KPNA7: variants seen among roughly 807,000 people sequenced by gnomAD.
The protein encoded by KPNA7 is importin subunit alpha-8.
Under a neutral mutation model 53.7 loss-of-function variants are expected in KPNA7, and 54 were observed. That is an observed-to-expected ratio of 1.01 (90% CI 0.81 to 1.26). The LOEUF (loss-of-function observed/expected upper bound fraction) is 1.26, where lower values mean the gene tolerates loss of function less well. Among genes scored for constraint, KPNA7 ranks in the 50% most tolerant of loss-of-function variants. The probability of loss-of-function intolerance (pLI) is 0.00; values close to 1 mark genes in which losing one functional copy is unlikely to be tolerated. For missense variants in KPNA7, 640 were observed against 644.5 expected (o/e 0.99, Z 0.07); for synonymous variants, 276 against 259.3 (o/e 1.06, Z -0.62).
chr7:99,197,655 A>T (rs534539146), intron 3 of KPNA7, among the ~76,000 whole-genome samples: 7 of 152,358 alleles, frequency 4.6e-5, no homozygotes, highest in Admixed American at 2.0e-4. Context: ...CCAGATACAA[A>T]TTCTGGAATT....
chr7:99,216,221 G>A (rs1791215284), intron 1 of KPNA7, among the ~76,000 whole-genome samples: 1 of 152,110 alleles, frequency 6.6e-6, no homozygotes. Flanking sequence ...AAAGACAGGT[G>A]TCTTGCTACA....
intron 6 of KPNA7, among the ~76,000 whole-genome samples, chr7:99,192,462 G>GA (rs1409746980): frequency 6.6e-6 from 1 of 152,190 alleles, no homozygotes; most frequent in Non-Finnish European, 1.5e-5. Context: ...ACCCAGGCTG[G>GA]AGTGCAGTGG....
At chr7:99,195,399 T>G in intron 4 of KPNA7, 61 bp from the exon 5 acceptor site, 1 of 1,477,122 alleles carries the variant, frequency 6.8e-7, no homozygotes, top group Non-Finnish European at 9.2e-7. Flanking sequence ...ATTAAGGACC[T>G]CCTTTTAGGC....
intron 2 of KPNA7, among the ~76,000 whole-genome samples, chr7:99,207,033 C>A (rs12673754): frequency 6.6e-6 from 1 of 151,458 alleles, no homozygotes; most frequent in Non-Finnish European, 1.5e-5. Context: ...ACCTCCCTGC[C>A]CCCCGCTATT....
upstream of KPNA7, among the ~76,000 whole-genome samples, chr7:99,210,421 A>G (rs1791035819): frequency 6.6e-6 from 1 of 152,168 alleles, no homozygotes; most frequent in African/African-American, 2.4e-5. Context: ...TGTCTTAGGC[A>G]GGGATTTCTT....
chr7:99,180,943 GTGTC>G (rs1266674861), intron 9 of KPNA7, among the ~76,000 whole-genome samples: 1 of 20,330 alleles, frequency 4.9e-5, no homozygotes, highest in Admixed American at 6.2e-4. Context: ...CTCCCCGTCT[GTGTC>G]TCTCTCTCTC....
At chr7:99,175,861 C>T (rs1332277369) in intron 10 of KPNA7, among the ~76,000 whole-genome samples, 1 of 152,066 alleles carries the variant, frequency 6.6e-6, no homozygotes, top group Non-Finnish European at 1.5e-5. Flanking sequence ...CAGCTAACCA[C>T]ACCATCCACC....
intron 1 of KPNA7, among the ~76,000 whole-genome samples, chr7:99,218,108 T>C (rs561334746): frequency 2.2e-4 from 33 of 152,096 alleles, no homozygotes; most frequent in Non-Finnish European, 3.7e-4. Context: ...CAGGCAATCC[T>C]CCTGCCTCAG....
In KPNA7 at chr7:99,215,921, G is replaced by A. The variant is rs574077987; in HGVS notation, c.-23-8432C>T. Among the ~76,000 whole-genome samples the A allele has an allele frequency of 6.6e-5, 10 of 151,332 alleles. No individual in the cohort carries two copies. In the East Asian group the frequency reaches 9.7e-4, roughly 15 times the overall value. Reference sequence around the variant, plus strand: ...CCCAGTAGGTTGAGGCTGCAGCAGCGAGTTATGATTGCACCACTACGCTCC... The same window carrying A: ...CCCAGTAGGTTGAGGCTGCAGCAGCAAGTTATGATTGCACCACTACGCTCC... On this transcript the variant is annotated intron_variant, in intron 1 of 10. Transcript: ENST00000681060.
intron 5 of KPNA7, 132 bp downstream of exon 5, chr7:99,194,938 T>C: frequency 8.9e-7 from 1 of 1,125,478 alleles, no homozygotes; most frequent in Non-Finnish European, 1.2e-6. Flanking sequence ...CATTGTACCC[T>C]TGCCAGCACT....
Position 99,181,863 on chromosome 7 carries a change from A to C in KPNA7, c.1317+20T>G, listed in dbSNP as rs1799285159. On this transcript the variant is annotated intron_variant, in intron 9 of 10. Coordinates refer to ENST00000327442, the MANE Select transcript of KPNA7 (RefSeq NM_001145715.3). The stretch of plus-strand genomic sequence containing the variant: ...GTTGGAGACAGCTATTTACAAACCA[A>C]CCTGTTCAGAACGGCTCACCTGGAG... The C allele has an allele frequency of 1.3e-6, 2 of 1,504,028 alleles. No individual in the cohort carries two copies. The highest frequency in any genetic ancestry group is 2.2e-5 in the Admixed American group (1 of 46,298). The allele number at this position is 1,504,028 out of a possible 1,614,324, so 93.2% of individuals were successfully genotyped here.
intron 10 of KPNA7, 102 bp from the exon 11 acceptor site, chr7:99,173,896 C>A: frequency 1.5e-6 from 1 of 676,774 alleles, no homozygotes; most frequent in South Asian, 1.9e-5. Flanking sequence ...CCCTCTTAAC[C>A]ATGTTTAAGC....
At chr7:99,198,725 G>A (rs1032185386) in intron 3 of KPNA7, among the ~76,000 whole-genome samples, 8 of 152,098 alleles carry the variant, frequency 5.3e-5, no homozygotes, top group African/African-American at 1.9e-4. Context: ...AATAAGACAA[G>A]GATATTGCTC....
chr7:99,212,765 G>T (rs73157575), upstream of KPNA7, among the ~76,000 whole-genome samples: 1 of 151,858 alleles, frequency 6.6e-6, no homozygotes, highest in Non-Finnish European at 1.5e-5. Context: ...ATCCGGCATC[G>T]TGATGGGCAC....
At chr7:99,149,005 C>G in the KPNA7 span, among the ~76,000 whole-genome samples, 1 of 150,620 alleles carries the variant, frequency 6.6e-6, no homozygotes, top group Non-Finnish European at 1.5e-5. Context: ...AAGCGATTCT[C>G]CTGCCTCAGC....
chr7:99,204,193 A>G (rs1790684434), intron 2 of KPNA7, among the ~76,000 whole-genome samples: 2 of 151,992 alleles, frequency 1.3e-5, no homozygotes, highest in Non-Finnish European at 2.9e-5. Flanking sequence ...AGCCTGGACA[A>G]CATAGCAAGA....
downstream of KPNA7, among the ~76,000 whole-genome samples, chr7:99,171,698 C>T (rs1798774753): frequency 6.6e-6 from 1 of 152,102 alleles, no homozygotes; most frequent in Non-Finnish European, 1.5e-5. Flanking sequence ...CTGCCCTGAG[C>T]TGAGCTGTGA....
In KPNA7 at chr7:99,188,345, C is replaced by A. The variant is rs561494283; in HGVS notation, c.855G>T (p.Leu285=). 2 of 1,551,578 alleles carry A rather than the reference C, an allele frequency of 1.3e-6. No homozygotes were observed. The highest frequency in any genetic ancestry group is 1.4e-5 in the African/African-American group (1 of 73,118). Residue 285 remains leucine (L), a synonymous_variant, in exon 7 of 11, where the codon CTG becomes CTT. Transcript: ENST00000327442. ...TGGTCATGAGCACTACCAGCCTGGG[C>A]AGGACCCCCGTGTTAACCACTTGGC... The part of the protein sequence containing the change: ...RIGQVVNTGV[L]PRLVVLMTSS...
At chr7:99,171,065 C>G (rs1479626828), downstream of KPNA7, among the ~76,000 whole-genome samples, 1 of 151,922 alleles carries the variant, frequency 6.6e-6, no homozygotes, top group Non-Finnish European at 1.5e-5. Context: ...AAAAAAAATA[C>G]AAAAATTAGC....
Sources: gnomAD v4.1 joint callset for allele counts (sites outside exome capture counted in the v4.1 genomes callset) on GRCh38, gnomAD v4.1.1 for gene constraint, MANE v1.5 for transcripts, NCBI Gene and HGNC (gene_info 2026-07-23, HGNC 2026-07-21) for gene names.